RAF1: variants seen among roughly 807,000 people sequenced by gnomAD.
RAF1 encodes the protein Raf-1 proto-oncogene, serine/threonine kinase, also known as RAF proto-oncogene serine/threonine-protein kinase.
A neutral mutation model predicts 81.1 loss-of-function variants in RAF1; 27 were observed. That is an observed-to-expected ratio of 0.33 (90% CI 0.25 to 0.46). RAF1 has a LOEUF of 0.46. RAF1 is among the 20% of genes least tolerant of loss of function. The pLI is 1.00. For missense variants in RAF1, 598 were observed against 826.0 expected (o/e 0.72, Z 3.38); for synonymous variants, 298 against 294.0 (o/e 1.01, Z -0.14).
At chr3:12,587,320 C>G in intron 14 of RAF1, 1 of 515,432 alleles carries the variant, frequency 1.9e-6, no homozygotes. Flanking sequence ...CTATTTCAAG[C>G]TTACGGAAAT....
intron 14 of RAF1, 104 bp from the exon 14 acceptor site, chr3:12,585,903 G>T: frequency 1.2e-6 from 1 of 840,184 alleles, no homozygotes; most frequent in Non-Finnish European, 2.0e-6. Flanking sequence ...CCTTACCTCT[G>T]TCACAGCCTC....
At chr3:12,605,566 CCGTG>C (rs1195457610) in intron 6 of RAF1, among the ~76,000 whole-genome samples, 10 of 152,300 alleles carry the variant, frequency 6.6e-5, no homozygotes, top group African/African-American at 2.4e-4. Context: ...GTGTGAGCTA[CCGTG>C]CCTGGCCTAA....
At chr3:12,631,019 T>G (rs1440809543) in intron 1 of RAF1, among the ~76,000 whole-genome samples, 1 of 152,150 alleles carries the variant, frequency 6.6e-6, no homozygotes, top group Non-Finnish European at 1.5e-5. Context: ...TTGGCCAGGC[T>G]TAAATCTTAA....
chr3:12,633,584 C>T (rs1003655105), intron 1 of RAF1, among the ~76,000 whole-genome samples: 28 of 150,016 alleles, frequency 1.9e-4, no homozygotes, highest in African/African-American at 6.4e-4. Flanking sequence ...ATGCCTAACA[C>T]GTTAAATATC....
intron 1 of RAF1, among the ~76,000 whole-genome samples, chr3:12,628,456 A>T (rs2059770355): frequency 6.6e-6 from 1 of 152,172 alleles, no homozygotes; most frequent in Admixed American, 6.5e-5. Flanking sequence ...GATCCCAGGA[A>T]TTCAATACCA....
At chr3:12,633,964 GGAATCC>G (rs1159342749) in intron 1 of RAF1, among the ~76,000 whole-genome samples, 1 of 148,242 alleles carries the variant, frequency 6.7e-6, no homozygotes, top group African/African-American at 2.5e-5. Flanking sequence ...AAAAAAATCA[GGAATCC>G]GAATGACTTC....
At chr3:12,607,394 C>A (rs1353728512) in intron 5 of RAF1, among the ~76,000 whole-genome samples, 1 of 152,050 alleles carries the variant, frequency 6.6e-6, no homozygotes, top group East Asian at 1.9e-4. Context: ...ACACCTGTAA[C>A]CACAACACTT....
intron 1 of RAF1, among the ~76,000 whole-genome samples, chr3:12,658,809 T>C (rs923837911): frequency 1.3e-5 from 2 of 152,198 alleles, no homozygotes; most frequent in Non-Finnish European, 2.9e-5. Flanking sequence ...AAAAATGCTA[T>C]GTACACTGAT....
At chr3:12,657,382 A>C (rs995375331) in intron 1 of RAF1, among the ~76,000 whole-genome samples, 2 of 152,238 alleles carry the variant, frequency 1.3e-5, no homozygotes, top group African/African-American at 4.8e-5. Flanking sequence ...AGAACGTAGA[A>C]TAACTATGCA....
intron 1 of RAF1, among the ~76,000 whole-genome samples, chr3:12,623,666 C>G (rs1311757069): frequency 6.6e-6 from 1 of 151,706 alleles, no homozygotes; most frequent in Non-Finnish European, 1.5e-5. Context: ...TGGTGGTGGG[C>G]ACCTGTAGTC....
At chr3:12,587,450 CT>C in intron 14 of RAF1, 140 bp downstream of exon 13, 2 of 862,304 alleles carry the variant, frequency 2.3e-6, no homozygotes, top group Non-Finnish European at 4.0e-6. Flanking sequence ...AATTTTCTGA[CT>C]TTTCTGTTTT....
intron 8 of RAF1, among the ~76,000 whole-genome samples, chr3:12,602,950 A>T (rs1398670895): frequency 6.6e-6 from 1 of 152,246 alleles, no homozygotes; most frequent in Admixed American, 6.5e-5. Flanking sequence ...CTAATGTATA[A>T]ACAGAATACC....
At chr3:12,604,930 C>A (rs565869481) in intron 6 of RAF1, among the ~76,000 whole-genome samples, 4 of 152,044 alleles carry the variant, frequency 2.6e-5, no homozygotes, top group South Asian at 2.1e-4. Flanking sequence ...AAGATTCGTT[C>A]GAGGTTTGTT....
intron 1 of RAF1, among the ~76,000 whole-genome samples, chr3:12,655,008 C>CG (rs1553624759): frequency 1.3e-5 from 2 of 149,288 alleles, no homozygotes; most frequent in African/African-American, 2.4e-5. Context: ...AGACCCCCCC[C>CG]CCGCCATCTC....
In RAF1 at chr3:12,584,660, GAAAC is replaced by G; in HGVS notation, c.1864-7_1864-4del. ...AGCAGCTCAATGGAAGACAGGATCTGAAACAAAGCCCAAGAATGCTCTCATTAGC... is the reference window on the plus strand; with the variant it reads ...AGCAGCTCAATGGAAGACAGGATCTGAAAGCCCAAGAATGCTCTCATTAGC... On this transcript the variant is annotated splice_region_variant and splice_polypyrimidine_tract_variant and intron_variant, in intron 17 of 17. Transcript: ENST00000442415. 1.2e-6 allele frequency: 2 copies of G among 1,614,140 alleles called. No homozygotes were observed. The highest frequency in any genetic ancestry group is 1.7e-6 in the Non-Finnish European group (2 of 1,180,006).
rs560040857 is a variant in RAF1 at position 12,639,852 on chromosome 3, G to A, written c.-26-21105C>T. 4.0e-3 allele frequency among the ~76,000 whole-genome samples: 610 copies of A among 152,218 alleles called. 13 individuals are homozygous for A. The highest frequency in any genetic ancestry group is 0.037 in the Admixed American group (569 of 15,276). On this transcript the variant is annotated intron_variant, in intron 1 of 17. Coordinates refer to ENST00000442415, the MANE Select transcript of RAF1 (RefSeq NM_001354689.3). The stretch of plus-strand genomic sequence containing the variant: ...CAAGCTACCAATGACTTTCTTCACA[G>A]AATTGGAAAAAACTACTTTAAAGTT...
At chr3:12,658,073 C>T (rs1224293384) in intron 1 of RAF1, among the ~76,000 whole-genome samples, 2 of 152,148 alleles carry the variant, frequency 1.3e-5, no homozygotes, top group African/African-American at 4.8e-5. Context: ...ACCAGTACAT[C>T]CTTTCTTTTT....
chr3:12,634,910 G>T (rs1344075132), intron 1 of RAF1, among the ~76,000 whole-genome samples: 1 of 151,946 alleles, frequency 6.6e-6, no homozygotes, highest in East Asian at 1.9e-4. Flanking sequence ...CCAAAGCAGG[G>T]GATATATACT....
intron 1 of RAF1, among the ~76,000 whole-genome samples, chr3:12,641,032 C>G (rs1040885886): frequency 2.0e-5 from 3 of 151,742 alleles, no homozygotes; most frequent in African/African-American, 7.3e-5. Context: ...ACTATGCAGC[C>G]ATAAAAAAGG....
Sources: gnomAD v4.1 joint callset for allele counts (sites outside exome capture counted in the v4.1 genomes callset) on GRCh38, gnomAD v4.1.1 for gene constraint, MANE v1.5 for transcripts, NCBI Gene and HGNC (gene_info 2026-07-23, HGNC 2026-07-21) for gene names.